The following CTNNA3 variants were observed in gnomAD, a reference collection of about 807,000 sequenced individuals.
CTNNA3 encodes catenin alpha-3.
CTNNA3 carries 76 observed loss-of-function variants against 95.7 expected under a neutral mutation model. The ratio of observed to expected loss-of-function variants is 0.79; its 90% CI spans 0.66 to 0.96. The LOEUF (loss-of-function observed/expected upper bound fraction) is 0.96, where lower values mean the gene tolerates loss of function less well. Among genes scored for constraint, CTNNA3 ranks in the 40% least tolerant of loss-of-function variants. The pLI, the probability that CTNNA3 is intolerant of heterozygous loss-of-function variation, is 0.00. For missense variants in CTNNA3, 1,191 were observed against 1,089.8 expected, an observed-to-expected ratio of 1.09 and a Z score of -1.31; for synonymous variants, 431 against 374.4, an observed-to-expected ratio of 1.15 and a Z score of -1.74.
At chr10:66,920,309 C>T (rs141289963) in intron 7 of CTNNA3, among the ~76,000 whole-genome samples, 123 of 152,278 alleles carry the variant, frequency 8.1e-4, no homozygotes, top group African/African-American at 2.8e-3. Flanking sequence ...TGCAGATGAG[C>T]AAACTGAGAC....
intron 5 of CTNNA3, among the ~76,000 whole-genome samples, chr10:67,313,663 G>A (rs1408926392): frequency 6.6e-6 from 1 of 152,146 alleles, no homozygotes; most frequent in Non-Finnish European, 1.5e-5. Context: ...CCTGAGGCAG[G>A]AGACTGCTAC....
At chr10:66,996,270 A>G (rs1455040700) in intron 7 of CTNNA3, among the ~76,000 whole-genome samples, 1 of 152,232 alleles carries the variant, frequency 6.6e-6, no homozygotes, top group Non-Finnish European at 1.5e-5. Flanking sequence ...CAAAGCAATT[A>G]TCTATCTAAC....
At chr10:67,515,780 A>T (rs1839792358) in intron 5 of CTNNA3, among the ~76,000 whole-genome samples, 2 of 152,178 alleles carry the variant, frequency 1.3e-5, no homozygotes, top group Non-Finnish European at 2.9e-5. Context: ...TCTTCTCCCA[A>T]TTGAGCAATT....
At chr10:66,548,266 C>T (rs1442563097) in intron 10 of CTNNA3, among the ~76,000 whole-genome samples, 1 of 152,076 alleles carries the variant, frequency 6.6e-6, no homozygotes, top group Non-Finnish European at 1.5e-5. Context: ...TATAAAACTT[C>T]ATTGCTTATA....
At chr10:67,304,963 G>A (rs1455786677) in intron 5 of CTNNA3, among the ~76,000 whole-genome samples, 1 of 151,970 alleles carries the variant, frequency 6.6e-6, no homozygotes, top group Non-Finnish European at 1.5e-5. Context: ...TATATAAAAA[G>A]GTATAAAGGC....
chr10:67,338,811 C>CA (rs1252993125), intron 5 of CTNNA3, among the ~76,000 whole-genome samples: 5 of 152,142 alleles, frequency 3.3e-5, no homozygotes, highest in African/African-American at 9.6e-5. Context: ...CACCAAAAAG[C>CA]AAAAAATATG....
intron 13 of CTNNA3, among the ~76,000 whole-genome samples, chr10:66,155,860 G>A (rs772915237): frequency 6.6e-6 from 1 of 151,710 alleles, no homozygotes; most frequent in Non-Finnish European, 1.5e-5. Flanking sequence ...ATTGTTAATA[G>A]AGTCAATGAA....
At chr10:65,948,007 G>C (rs1589160346) in intron 17 of CTNNA3, among the ~76,000 whole-genome samples, 1 of 152,214 alleles carries the variant, frequency 6.6e-6, no homozygotes, top group African/African-American at 2.4e-5. Context: ...GCCAGGCGCG[G>C]TGGCTTACGC....
intron 12 of CTNNA3, among the ~76,000 whole-genome samples, chr10:66,318,972 ATTG>A (rs1403047130): frequency 1.3e-5 from 2 of 151,680 alleles, no homozygotes; most frequent in Non-Finnish European, 2.9e-5. Context: ...TCGTTCACGC[ATTG>A]CAAGCCCTTG....
chr10:66,714,981 T>C (rs955402754), intron 9 of CTNNA3, among the ~76,000 whole-genome samples: 2 of 152,118 alleles, frequency 1.3e-5, no homozygotes, highest in Non-Finnish European at 2.9e-5. Flanking sequence ...TTTAGTCATA[T>C]AAATGTTTTG....
At chr10:66,489,171 A>G (rs951999758) in intron 11 of CTNNA3, among the ~76,000 whole-genome samples, 1 of 152,202 alleles carries the variant, frequency 6.6e-6, no homozygotes, top group African/African-American at 2.4e-5. Flanking sequence ...GAGAGTTTGA[A>G]AAAATCCAGA....
chr10:66,130,591 T>A (rs1230110481), intron 13 of CTNNA3, among the ~76,000 whole-genome samples: 1 of 151,858 alleles, frequency 6.6e-6, no homozygotes. Flanking sequence ...ACGCCTGTAA[T>A]CCCAGCACTT....
At chr10:67,216,061 A>G (rs909489868) in intron 6 of CTNNA3, among the ~76,000 whole-genome samples, 1 of 152,144 alleles carries the variant, frequency 6.6e-6, no homozygotes, top group Non-Finnish European at 1.5e-5. Context: ...ACCATTTTTT[A>G]AAATCATATT....
At chr10:67,372,504 T>C (rs1843513194) in intron 5 of CTNNA3, among the ~76,000 whole-genome samples, 1 of 152,128 alleles carries the variant, frequency 6.6e-6, no homozygotes, top group Non-Finnish European at 1.5e-5. Context: ...GTCTGATTGG[T>C]GTACCTGAAA....
intron 12 of CTNNA3, 43 bp downstream of exon 12, chr10:66,379,109 C>G (rs1461856672): frequency 5.4e-6 from 8 of 1,490,264 alleles, no homozygotes; most frequent in Non-Finnish European, 7.5e-6. Flanking sequence ...TATGTAGATT[C>G]AAATAAGAGA....
At chr10:66,220,526 T>C (rs1390258530) in intron 13 of CTNNA3, among the ~76,000 whole-genome samples, 2 of 152,206 alleles carry the variant, frequency 1.3e-5, no homozygotes, top group East Asian at 3.9e-4. Flanking sequence ...GTCTGTTAGC[T>C]TTGCTGTCTA....
chr10:66,147,707 C>T (rs376664386), intron 13 of CTNNA3, among the ~76,000 whole-genome samples: 1 of 145,656 alleles, frequency 6.9e-6, no homozygotes, highest in Non-Finnish European at 1.5e-5. Flanking sequence ...CTGTTTTATA[C>T]CTGTAAGATA....
chr10:66,559,301 T>A (rs912210428), intron 10 of CTNNA3, among the ~76,000 whole-genome samples: 11 of 152,074 alleles, frequency 7.2e-5, no homozygotes, highest in African/African-American at 2.7e-4. Context: ...ACAAAAGGAC[T>A]TGACATGGCT....
intron 7 of CTNNA3, among the ~76,000 whole-genome samples, chr10:66,779,578 G>T (rs983367249): frequency 2.0e-5 from 3 of 152,008 alleles, no homozygotes; most frequent in Admixed American, 6.6e-5. Context: ...AGCCAGGCTG[G>T]TCTTGAACTC....
Sources: gnomAD v4.1 joint callset for allele counts (sites outside exome capture counted in the v4.1 genomes callset) on GRCh38, gnomAD v4.1.1 for gene constraint, MANE v1.5 for transcripts, NCBI Gene and HGNC (gene_info 2026-07-23, HGNC 2026-07-21) for gene names.